MYH14: variants seen among roughly 807,000 people sequenced by gnomAD.
The protein encoded by MYH14 is myosin heavy chain 14, also known as myosin-14.
MYH14 carries 123 observed loss-of-function variants against 255.5 expected under a neutral mutation model. The ratio of observed to expected loss-of-function variants is 0.48; its 90% confidence interval spans 0.42 to 0.56. The LOEUF is 0.56. Ranked by LOEUF, MYH14 falls within the 20% of genes least tolerant of loss-of-function variation. The pLI is 0.00. For missense variants in MYH14, 2,423 were observed against 2,802.3 expected, an observed-to-expected ratio of 0.86 and a Z score of 3.06; for synonymous variants, 1,095 against 1,161.2, an observed-to-expected ratio of 0.94 and a Z score of 1.16.
chr19:50,249,142 C>G lies in MYH14; in HGVS notation c.1482+3C>G, dbSNP rs900284650. 1 of 1,573,708 alleles carries G rather than the reference C, an allele frequency of 6.4e-7. No homozygotes were observed. Among genetic ancestry groups the G allele is most frequent in the Non-Finnish European group, 8.6e-7 (1 of 1,158,752 alleles). ...TCGCGGGCTTTGAGATCTTCCAGGT[C>G]CACCCTTGTGCTGGGAGGGGGATGC... On this transcript the variant is annotated splice_donor_region_variant and intron_variant, in intron 13 of 42. Transcript: ENST00000642316.
At chr19:50,218,520 C>A (rs1191031113) in intron 3 of MYH14, among the ~76,000 whole-genome samples, 1 of 151,936 alleles carries the variant, frequency 6.6e-6, no homozygotes, top group Non-Finnish European at 1.5e-5. Context: ...ATGGCGTGAA[C>A]CCGGGAGGCG....
At chr19:50,228,012 G>A (rs1039499280) in intron 8 of MYH14, among the ~76,000 whole-genome samples, 3 of 152,166 alleles carry the variant, frequency 2.0e-5, no homozygotes, top group Non-Finnish European at 4.4e-5. Context: ...GGCCAGGCAC[G>A]GTGGCTCATG....
In MYH14 at chr19:50,210,815, C is replaced by T. The variant is rs575416579; in HGVS notation, c.405+45C>T. 6.6e-6 allele frequency: 10 copies of T among 1,526,420 alleles called. No individual in the cohort carries two copies. In the East Asian group the frequency reaches 2.0e-4, roughly 31 times the overall value. The allele number at this position is 1,526,420 out of a possible 1,614,324, so 94.6% of individuals were successfully genotyped here. ...GGGGCGCGTGCGGCGGAGTTGCTGC[C>T]GGTTGGGGAACCAGGTCCACCACCC... On this transcript the variant is annotated intron_variant, in intron 2 of 42. Transcript: ENST00000642316.
Position 50,246,465 on chromosome 19 carries a change from A to G in MYH14, c.1211-539A>G, listed in dbSNP as rs1383541068. On this transcript the variant is annotated intron_variant, in intron 11 of 42. Transcript: ENST00000642316. ...CCCGCCTCCAGTGTAGCTTTTAGTG[A>G]CTGCAGAACATTCTTTCAAATGGGC... 3.9e-5 allele frequency among the ~76,000 whole-genome samples: 6 copies of G among 151,908 alleles called. No individual in the cohort carries two copies. The East Asian group carries it at 1.2e-3, about 30-fold the overall frequency.
chr19:50,309,443 T>A (rs1231377977), intron 42 of MYH14, 197 bp from the exon 43 acceptor site: 3 of 618,908 alleles, frequency 4.8e-6, no homozygotes, highest in Non-Finnish European at 5.8e-6. Flanking sequence ...CTGTGTGTCC[T>A]TCATCTCTCT....
At chr19:50,223,213 C>T in intron 4 of MYH14, 34 bp from the exon 5 acceptor site, 1 of 1,609,810 alleles carries the variant, frequency 6.2e-7, no homozygotes. Flanking sequence ...GAGGTCATTG[C>T]CAACCCCTTT....
intron 10 of MYH14, among the ~76,000 whole-genome samples, chr19:50,238,242 C>T (rs2033746953): frequency 6.6e-6 from 1 of 152,112 alleles, no homozygotes. Context: ...GAGCTGACTG[C>T]CAGGTCCTCA....
intron 2 of MYH14, among the ~76,000 whole-genome samples, chr19:50,215,999 T>C (rs2123177238): frequency 6.6e-6 from 1 of 152,328 alleles, no homozygotes; most frequent in East Asian, 1.9e-4. Context: ...GCTAAGCCAC[T>C]AAGCAGGTAA....
At chr19:50,263,160 T>C (rs957487641) in intron 21 of MYH14, among the ~76,000 whole-genome samples, 152 bp from the exon 22 acceptor site, 4 of 151,658 alleles carry the variant, frequency 2.6e-5, no homozygotes, top group Non-Finnish European at 4.4e-5. Flanking sequence ...GATCATGCCA[T>C]TGCACTCCAG....
At chr19:50,247,652 TCTCTAAGGAAG>T (rs565430239) in intron 12 of MYH14, among the ~76,000 whole-genome samples, 40 of 152,102 alleles carry the variant, frequency 2.6e-4, no homozygotes, top group Non-Finnish European at 5.0e-4. Flanking sequence ...AGGAAAGTCC[TCTCTAAGGAAG>T]CTCTAAGGAT....
At chr19:50,262,084 A>G (rs1651552) in intron 21 of MYH14, among the ~76,000 whole-genome samples, 114,117 of 151,986 alleles carry the variant, frequency 0.75, 43,073 homozygotes, top group East Asian at 0.84. Flanking sequence ...GAGGTGCAGC[A>G]AGGAGGCCCT....
In MYH14 at chr19:50,278,861, G is replaced by T. The variant is rs555412904; in HGVS notation, c.4032+572G>T. ...AAATTAGCCGGGCGTGATGGCGCAT[G>T]CCTGTAATCCCAGCTACTCGAGAGG... On this transcript the variant is annotated intron_variant, in intron 30 of 42. Transcript: ENST00000642316. 7.7e-4 allele frequency among the ~76,000 whole-genome samples: 117 copies of T among 151,368 alleles called. 1 individual carries two copies. The South Asian group carries it at 0.024, about 31-fold the overall frequency.
chr19:50,255,864 C>T (rs1298150454), intron 17 of MYH14, among the ~76,000 whole-genome samples: 1 of 150,264 alleles, frequency 6.7e-6, no homozygotes, highest in African/African-American at 2.5e-5. Flanking sequence ...CATGACCTGG[C>T]CCTGCCCTAA....
Position 50,259,238 on chromosome 19 carries a change from G to A in MYH14, c.2327G>A (p.Arg776His), listed in dbSNP as rs751594128. The A allele has an allele frequency of 5.0e-6, 8 of 1,586,952 alleles. No homozygotes were observed. The highest frequency in any genetic ancestry group is 2.3e-5 in the East Asian group (1 of 43,740). ...ATCTGTCGCCAGGGCTTCCCCAACC[G>A]CATCCTCTTCCAGGAGTTCCGGCAG... ...IRICRQGFPN[R>H]ILFQEFRQRY... is the part of the protein sequence containing the mutation. The change falls in exon 19 of 43, where the codon CGC (arginine) becomes CAC (histidine). Residue 776 changes from arginine (R) to histidine (H), a missense_variant. This residue lies in a region of MYH14 where 672 missense variants were observed against 881.8 expected (regional missense o/e 0.76). Coordinates refer to ENST00000642316, the MANE Select transcript of MYH14 (RefSeq NM_001145809.2).
chr19:50,282,762 G>A (rs763852119), intron 33 of MYH14, among the ~76,000 whole-genome samples: 4 of 152,060 alleles, frequency 2.6e-5, no homozygotes, highest in East Asian at 1.9e-4. Context: ...TGTAGGTGGT[G>A]CAGTATGTTT....
chr19:50,255,237 C>T lies in MYH14; in HGVS notation c.1963C>T (p.Gln655Ter), dbSNP rs2034548961. ...CTCCCCAGAACATGGGGGCTTCCAGCAGTTCTCTTTCCTTGGCTCCTTCCC... is the reference window on the plus strand; with the variant it reads ...CTCCCCAGAACATGGGGGCTTCCAGTAGTTCTCTTTCCTTGGCTCCTTCCC... ...IWKDEHGGFQ[Q>*]FSFLGSFPPS... is the part of the protein sequence containing the mutation. Residue 655 changes from glutamine (Q) to a stop codon, truncating the protein, a stop_gained, in exon 17 of 43, where the codon CAG (glutamine) becomes TAG (stop). Transcript: ENST00000642316. LOFTEE classifies it high-confidence loss of function. 6.4e-7 allele frequency: 1 copy of T among 1,551,396 alleles called. No homozygotes were observed. The highest frequency in any genetic ancestry group is 8.7e-7 in the Non-Finnish European group (1 of 1,146,878).
chr19:50,244,196 C>T (rs2123282495), intron 10 of MYH14, 46 bp from the exon 11 acceptor site: 1 of 1,546,166 alleles, frequency 6.5e-7, no homozygotes, highest in Non-Finnish European at 8.9e-7. Flanking sequence ...TAAGACCACA[C>T]ATCGGGGTCC....
Position 50,268,298 on chromosome 19 carries a change from C to A in MYH14, c.2964C>A (p.Arg988=). 1 of 1,588,170 alleles carries A rather than the reference C, an allele frequency of 6.3e-7. No individual in the cohort carries two copies. Among genetic ancestry groups the A allele is most frequent in the Non-Finnish European group, 8.6e-7 (1 of 1,168,570 alleles). ...TGGTGGTGTCAGAGCTGGAGGCTCG[C>A]GTGGGCGAGGAGGAGGAGTGCAGCC... ...LELVVSELEA[R]VGEEEECSRQ... The change falls in exon 24 of 43, where the codon CGC becomes CGA. Residue 988 remains arginine (R), a synonymous_variant. Coordinates refer to ENST00000642316, the MANE Select transcript of MYH14 (RefSeq NM_001145809.2).
At chr19:50,247,230 G>A in intron 12 of MYH14, 108 bp downstream of exon 12, 1 of 760,822 alleles carries the variant, frequency 1.3e-6, no homozygotes, top group South Asian at 1.6e-5. Flanking sequence ...CTTTTGCTGA[G>A]TGCCCGCTCC....
Sources: allele counts gnomAD v4.1 joint callset (sites outside exome capture counted in the v4.1 genomes callset), GRCh38; gene constraint gnomAD v4.1.1; regional missense constraint gnomAD v4.1.1; transcripts MANE v1.5; gene names NCBI Gene and HGNC (gene_info 2026-07-23, HGNC 2026-07-21).